Variants in FAM186A observed in about 807,000 individuals in gnomAD.
FAM186A encodes family with sequence similarity 186 member A, also known as protein FAM186A.
In FAM186A, 163 loss-of-function variants were observed where a neutral mutation model predicts 216.8. The ratio of observed to expected loss-of-function variants is 0.75; its 90% confidence interval spans 0.66 to 0.86. The LOEUF is 0.86. FAM186A is among the 40% of genes least tolerant of loss of function. The pLI is 0.00. For synonymous variants in FAM186A, 805 were observed against 1,025.3 expected (o/e 0.79, Z 4.10); for missense variants, 2,184 against 2,746.2 (o/e 0.80, Z 4.58).
At chr12:50,380,262 A>G (rs1943241545) in intron 1 of FAM186A, among the ~76,000 whole-genome samples, 1 of 152,220 alleles carries the variant, frequency 6.6e-6, no homozygotes, top group Non-Finnish European at 1.5e-5. Context: ...ATATAAAACA[A>G]TGGTACATAA....
intron 4 of FAM186A, among the ~76,000 whole-genome samples, chr12:50,344,960 A>C (rs1450718066): frequency 6.6e-6 from 1 of 152,118 alleles, no homozygotes; most frequent in African/African-American, 2.4e-5. Flanking sequence ...CATGTCAAAA[A>C]ACAAAACAAG....
At chr12:50,359,583 A>C (rs537800082) in intron 3 of FAM186A, among the ~76,000 whole-genome samples, 45 of 151,858 alleles carry the variant, frequency 3.0e-4, no homozygotes, top group East Asian at 1.7e-3. Context: ...TACCCCCCCA[A>C]AAAAAATGGG....
chr12:50,371,424 T>C (rs1257524143), intron 1 of FAM186A, among the ~76,000 whole-genome samples: 2 of 152,132 alleles, frequency 1.3e-5, no homozygotes, highest in Non-Finnish European at 2.9e-5. Context: ...GCCAACTTAA[T>C]TTAATTTTAA....
Position 50,355,248 on chromosome 12 carries a change from A to G in FAM186A, c.1584T>C (p.Thr528=), listed in dbSNP as rs1362702491. The G allele has an allele frequency of 1.9e-6, 3 of 1,551,668 alleles. No individual in the cohort carries two copies. The Admixed American group carries it at 5.9e-5, about 30-fold the overall frequency. Residue 528 remains threonine (T), a synonymous_variant, in exon 4 of 8, where the codon ACT becomes ACC. Transcript: ENST00000327337. ...TTTTGCCACCTTGGCTCTTTGTTTC[A>G]GTTAAAGAGAGATGTTTTCTTTTTG... The part of the protein sequence containing the change: ...TEAKRKHLSL[T]ETKSQGGKSG...
chr12:50,351,432 C>G lies in FAM186A; in HGVS notation c.5400G>C (p.Gln1800His). The change falls in exon 4 of 8, where the codon CAG becomes CAC. Residue 1800 changes from glutamine to histidine, a missense_variant. By Grantham distance (24) the Gln-to-His change is conservative. Coordinates refer to ENST00000327337, the MANE Select transcript of FAM186A (RefSeq NM_001145475.3). ...TGGATTGACCTCCGTATACCAGGGT[C>G]TGTCCAGAGGAACGAAGAGTCTGTG... Reference protein sequence around the residue: ...GAPQTLRSSGQTLVYGGQSTS... With the variant: ...GAPQTLRSSGHTLVYGGQSTS... 6.8e-7 allele frequency: 1 copy of G among 1,468,078 alleles called. No individual in the cohort carries two copies. Among genetic ancestry groups the G allele is most frequent in the Non-Finnish European group, 9.0e-7 (1 of 1,110,782 alleles). 90.9% of individuals were successfully genotyped at this position (1,468,078 alleles called of 1,614,324 possible).
At chr12:50,384,638 A>G (rs1943285045) in intron 1 of FAM186A, among the ~76,000 whole-genome samples, 1 of 148,422 alleles carries the variant, frequency 6.7e-6, no homozygotes, top group Non-Finnish European at 1.5e-5. Flanking sequence ...CCAGAAATAA[A>G]TCCACACATT....
At chr12:50,365,367 TA>T (rs1943078105) in intron 1 of FAM186A, among the ~76,000 whole-genome samples, 1 of 152,242 alleles carries the variant, frequency 6.6e-6, no homozygotes, top group South Asian at 2.1e-4. Flanking sequence ...CATGTTATTA[TA>T]AATTGCTTTC....
chr12:50,389,492 C>G (rs568045716), intron 1 of FAM186A, among the ~76,000 whole-genome samples: 22 of 152,252 alleles, frequency 1.4e-4, no homozygotes, highest in African/African-American at 5.1e-4. Flanking sequence ...AAGAGCAAAA[C>G]TCCATCTCAA....
chr12:50,371,183 A>T (rs932175483), intron 1 of FAM186A, among the ~76,000 whole-genome samples: 1 of 151,848 alleles, frequency 6.6e-6, no homozygotes, highest in Non-Finnish European at 1.5e-5. Flanking sequence ...CAGTGGCATG[A>T]TCTCGGCTGA....
chr12:50,378,051 C>T lies in FAM186A; in HGVS notation c.193-14687G>A, dbSNP rs190790044. 4.2e-3 allele frequency among the ~76,000 whole-genome samples: 645 copies of T among 152,066 alleles called. 5 individuals are homozygous for T. Among genetic ancestry groups the T allele is most frequent in the African/African-American group, 0.015 (612 of 41,490 alleles). On this transcript the variant is annotated intron_variant, in intron 1 of 7. Transcript: ENST00000327337. ...GACCAGGCTGACCAACATGGAAAAA[C>T]CCTGTCTCTACTAAAAATACAAAAT...
chr12:50,328,700 G>A (rs993451513), intron 7 of FAM186A, among the ~76,000 whole-genome samples: 1 of 151,884 alleles, frequency 6.6e-6, no homozygotes, highest in Non-Finnish European at 1.5e-5. Flanking sequence ...GTAGAGACAG[G>A]GTTTCACCAA....
chr12:50,385,170 A>G (rs1484882437), intron 1 of FAM186A, among the ~76,000 whole-genome samples: 3 of 149,634 alleles, frequency 2.0e-5, no homozygotes, highest in Non-Finnish European at 4.4e-5. Context: ...CTGTAATCCC[A>G]GCACTTTGGG....
intron 4 of FAM186A, among the ~76,000 whole-genome samples, chr12:50,339,327 T>C (rs1332643026): frequency 6.6e-6 from 1 of 152,184 alleles, no homozygotes; most frequent in Non-Finnish European, 1.5e-5. Flanking sequence ...GATTTTACTT[T>C]TTATTTAGAC....
intron 4 of FAM186A, among the ~76,000 whole-genome samples, chr12:50,348,038 A>T (rs1372857021): frequency 2.3e-4 from 19 of 81,372 alleles, no homozygotes; most frequent in Admixed American, 5.3e-4. Flanking sequence ...ATGCCTGGTA[A>T]TTTTTTTTTT....
At chr12:50,382,071 A>G (rs759992656) in intron 1 of FAM186A, among the ~76,000 whole-genome samples, 15 of 152,106 alleles carry the variant, frequency 9.9e-5, no homozygotes, top group Non-Finnish European at 2.1e-4. Context: ...CCTAAAAACC[A>G]CTTTAGGATT....
At chr12:50,342,232 G>A (rs549779769) in intron 4 of FAM186A, among the ~76,000 whole-genome samples, 1 of 151,530 alleles carries the variant, frequency 6.6e-6, no homozygotes, top group South Asian at 2.1e-4. Context: ...CTTGAACCTG[G>A]GAGGCAGAGG....
rs1333675492 is a variant in FAM186A, at chr12:50,355,873, A to C, written c.959T>G (p.Leu320Arg). Residue 320 changes from leucine (L) to arginine (R), a missense_variant, in exon 4 of 8, where the codon CTT (leucine) becomes CGT (arginine). Leu to Arg is a moderately radical substitution (Grantham distance 102). Transcript: ENST00000327337. ...TTCACATTTTTCTTCTGCATCTTGA[A>C]GTTTCTGCTGAAGCATTTCATTTTC... The part of the protein sequence containing the change: ...SNENEMLQQK[L>R]QDAEEKCEQL... The C allele has an allele frequency of 6.4e-7, 1 of 1,551,230 alleles. No homozygotes were observed. Among genetic ancestry groups the C allele is most frequent in the Non-Finnish European group, 8.7e-7 (1 of 1,146,938 alleles).
intron 1 of FAM186A, among the ~76,000 whole-genome samples, chr12:50,382,324 T>G (rs1943261114): frequency 6.6e-6 from 1 of 151,810 alleles, no homozygotes; most frequent in Non-Finnish European, 1.5e-5. Context: ...TTAAGCATGT[T>G]ACTGGCAGAG....
At chr12:50,370,563 T>A (rs1172597973) in intron 1 of FAM186A, among the ~76,000 whole-genome samples, 1 of 152,084 alleles carries the variant, frequency 6.6e-6, no homozygotes, top group Non-Finnish European at 1.5e-5. Flanking sequence ...AATGTAATAT[T>A]GTGCAGCTGC....
Sources: gnomAD v4.1 joint callset for allele counts (sites outside exome capture counted in the v4.1 genomes callset) on GRCh38, gnomAD v4.1.1 for gene constraint, MANE v1.5 for transcripts, NCBI Gene and HGNC (gene_info 2026-07-23, HGNC 2026-07-21) for gene names.